FSTL5: variants seen among roughly 807,000 people sequenced by gnomAD.
The protein encoded by FSTL5 is follistatin like 5.
Under a neutral mutation model 89.1 loss-of-function variants are expected in FSTL5, and 62 were observed. That is an observed-to-expected ratio of 0.70 (90% CI 0.57 to 0.86). The LOEUF is 0.86. FSTL5 is among the 40% of genes least tolerant of loss of function. FSTL5 has a pLI of 0.00. For synonymous variants in FSTL5, 383 were observed against 346.2 expected, an observed-to-expected ratio of 1.11 and a Z score of -1.18; for missense variants, 1,057 against 1,001.6, an observed-to-expected ratio of 1.06 and a Z score of -0.75.
intron 2 of FSTL5, among the ~76,000 whole-genome samples, chr4:162,040,670 A>C (rs1004247763): frequency 6.6e-6 from 1 of 152,110 alleles, no homozygotes; most frequent in African/African-American, 2.4e-5. Flanking sequence ...CTAAATTTTC[A>C]GTTCTACTTT....
At chr4:161,667,711 A>G (rs1303845525) in intron 6 of FSTL5, among the ~76,000 whole-genome samples, 1 of 152,002 alleles carries the variant, frequency 6.6e-6, no homozygotes, top group Non-Finnish European at 1.5e-5. Context: ...TCTGATTTTT[A>G]TTTTTATTTT....
At chr4:162,010,432 A>C (rs142674826) in intron 3 of FSTL5, among the ~76,000 whole-genome samples, 353 of 152,320 alleles carry the variant, frequency 2.3e-3, no homozygotes, top group African/African-American at 8.1e-3. Flanking sequence ...TAAAAGGAAA[A>C]AAATGATGAA....
intron 13 of FSTL5, among the ~76,000 whole-genome samples, chr4:161,466,475 T>C (rs1263135570): frequency 6.6e-6 from 1 of 152,168 alleles, no homozygotes; most frequent in Non-Finnish European, 1.5e-5. Flanking sequence ...AGCTGGCTAA[T>C]TAAGTGAACC....
At chr4:162,020,238 A>C (rs1342643643) in intron 3 of FSTL5, among the ~76,000 whole-genome samples, 1 of 152,008 alleles carries the variant, frequency 6.6e-6, no homozygotes, top group East Asian at 1.9e-4. Flanking sequence ...CCCATGGACA[A>C]ATTTATGCTA....
chr4:161,470,103 T>A (rs1260162998), intron 13 of FSTL5, among the ~76,000 whole-genome samples: 2 of 151,590 alleles, frequency 1.3e-5, no homozygotes, highest in Admixed American at 6.6e-5. Context: ...TTTAAAAAAA[T>A]TATTAAGTCC....
chr4:162,075,414 T>C (rs1378120820), intron 2 of FSTL5, among the ~76,000 whole-genome samples: 2 of 151,832 alleles, frequency 1.3e-5, no homozygotes, highest in Non-Finnish European at 1.5e-5. Flanking sequence ...TTAGAGATAA[T>C]TGTGGCTTGA....
chr4:162,043,716 C>T (rs1738062307), intron 2 of FSTL5, among the ~76,000 whole-genome samples: 1 of 152,190 alleles, frequency 6.6e-6, no homozygotes, highest in Non-Finnish European at 1.5e-5. Flanking sequence ...TCAAAGCCTG[C>T]CACTGCTTTA....
intron 6 of FSTL5, among the ~76,000 whole-genome samples, chr4:161,723,384 A>T (rs1317099132): frequency 6.6e-6 from 1 of 152,206 alleles, no homozygotes; most frequent in African/African-American, 2.4e-5. Flanking sequence ...TAGGCTTTTT[A>T]AAAAATGGCA....
chr4:161,605,312 T>C (rs1407333363), intron 7 of FSTL5, among the ~76,000 whole-genome samples: 33 of 152,198 alleles, frequency 2.2e-4, no homozygotes, highest in Non-Finnish European at 8.8e-5. Context: ...ACAGTATCCA[T>C]GAACTGAGCC....
intron 1 of FSTL5, among the ~76,000 whole-genome samples, chr4:162,156,016 C>A (rs1733455135): frequency 6.6e-6 from 1 of 152,104 alleles, no homozygotes. Context: ...AAATCTGTAA[C>A]AGCAGGACAT....
At chr4:161,869,429 G>C (rs1732192716) in intron 4 of FSTL5, among the ~76,000 whole-genome samples, 1 of 152,082 alleles carries the variant, frequency 6.6e-6, no homozygotes, top group Non-Finnish European at 1.5e-5. Flanking sequence ...AGATCCTTTA[G>C]CAGCAAAATG....
At chr4:161,637,610 A>C (rs1456869508) in intron 7 of FSTL5, among the ~76,000 whole-genome samples, 6 of 134,252 alleles carry the variant, frequency 4.5e-5, no homozygotes. Context: ...TAACGTTTAA[A>C]TCTTTAATCC....
At chr4:161,644,210 A>C (rs1736062363) in intron 7 of FSTL5, among the ~76,000 whole-genome samples, 2 of 152,050 alleles carry the variant, frequency 1.3e-5, no homozygotes, top group South Asian at 4.1e-4. Context: ...TTCAGTAGAG[A>C]GGGAGAGAAG....
At chr4:162,094,241 G>A (rs1226114927) in intron 2 of FSTL5, among the ~76,000 whole-genome samples, 2 of 152,066 alleles carry the variant, frequency 1.3e-5, no homozygotes, top group African/African-American at 4.8e-5. Context: ...CAAAAAATTA[G>A]CTGGGCGTGG....
At chr4:162,033,358 A>C (rs1225000669) in intron 3 of FSTL5, among the ~76,000 whole-genome samples, 2 of 152,144 alleles carry the variant, frequency 1.3e-5, no homozygotes, top group African/African-American at 4.8e-5. Flanking sequence ...GGAGGAGTTC[A>C]ACCACCACAA....
At chr4:161,460,469 A>G (rs555555049) in intron 13 of FSTL5, among the ~76,000 whole-genome samples, 1 of 87,358 alleles carries the variant, frequency 1.1e-5, no homozygotes, top group Non-Finnish European at 2.5e-5. Flanking sequence ...ATTCCCACCT[A>G]TGAGTGAGGG....
At chr4:161,492,275 A>G (rs1444897877) in intron 12 of FSTL5, among the ~76,000 whole-genome samples, 1 of 152,146 alleles carries the variant, frequency 6.6e-6, no homozygotes, top group Non-Finnish European at 1.5e-5. Context: ...AATTCCAAAT[A>G]TGGATAAACT....
At chr4:161,943,982 T>C (rs72693205) in intron 3 of FSTL5, among the ~76,000 whole-genome samples, 2,091 of 152,286 alleles carry the variant, frequency 0.014, 28 homozygotes, top group Non-Finnish European at 0.022. Context: ...TAGTTCTCTT[T>C]TGATAGGTAG....
chr4:161,450,279 T>C lies in FSTL5; in HGVS notation c.1841+4725A>G, dbSNP rs12512161. On this transcript the variant is annotated intron_variant, in intron 15 of 15. Coordinates refer to ENST00000306100, the MANE Select transcript of FSTL5 (RefSeq NM_020116.5). ...CAGACCTATTGATCTTAATTTATTA[T>C]GCAAATTCTAGTTGCACCTGCACAG... Among the ~76,000 whole-genome samples, 1,440 of 152,350 alleles carry C rather than the reference T, an allele frequency of 9.5e-3. 16 individuals carry two copies. The highest frequency in any genetic ancestry group is 0.021 in the Admixed American group (320 of 15,302).
Sources: allele counts gnomAD v4.1 joint callset (sites outside exome capture counted in the v4.1 genomes callset), GRCh38; gene constraint gnomAD v4.1.1; transcripts MANE v1.5; gene names NCBI Gene and HGNC (gene_info 2026-07-23, HGNC 2026-07-21).